The following MYBBP1A variants were observed in gnomAD, a reference collection of about 807,000 sequenced individuals.
The protein encoded by MYBBP1A is MYB binding protein 1a, also known as myb-binding protein 1A.
In MYBBP1A, 147 loss-of-function variants were observed where a neutral mutation model predicts 136.3. That is an observed-to-expected ratio of 1.08 (90% CI 0.94 to 1.24). The LOEUF is 1.24. MYBBP1A is among the 50% of genes most tolerant of loss of function. The pLI, the probability that MYBBP1A is intolerant of heterozygous loss-of-function variation, is 0.00. For synonymous variants in MYBBP1A, 947 were observed against 735.8 expected (o/e 1.29, Z -4.65); for missense variants, 2,060 against 1,727.4 (o/e 1.19, Z -3.41).
rs200828822 is a variant in MYBBP1A at position 4,552,424 on chromosome 17, G to A, written c.737+27C>T. The A allele has an allele frequency of 5.6e-6, 9 of 1,609,384 alleles. No homozygotes were observed. Among genetic ancestry groups the A allele is most frequent in the African/African-American group, 5.3e-5 (4 of 74,938 alleles). On this transcript the variant is annotated intron_variant, in intron 6 of 25. Coordinates refer to ENST00000254718, the MANE Select transcript of MYBBP1A (RefSeq NM_014520.4). This position sits in a 1 kb window ranked among gnomAD's most constrained non-coding sequence, Gnocchi z 4.7. ...AGATGCAGTCCCTTGGCCCCAGGGA[G>A]GGCAAATCCGCCCACCTCCATCACA...
At chr17:4,549,989 G>C in intron 9 of MYBBP1A, 69 bp downstream of exon 9, 2 of 1,519,458 alleles carry the variant, frequency 1.3e-6, no homozygotes, top group Non-Finnish European at 1.8e-6. Context: ...GGCGGGCTTG[G>C]GTCGCGGGGC....
chr17:4,540,536 C>G (rs773699611), intron 24 of MYBBP1A, 52 bp from the exon 25 acceptor site: 15 of 1,520,650 alleles, frequency 9.9e-6, no homozygotes, highest in Admixed American at 3.9e-5. Flanking sequence ...CGGGGCCTCT[C>G]GCGGGCTCCC....
In MYBBP1A at chr17:4,545,647, G is replaced by A. The variant is rs149314499; in HGVS notation, c.2036C>T (p.Ser679Phe). The A allele has an allele frequency of 3.7e-6, 6 of 1,609,126 alleles. No homozygotes were observed. In the African/African-American group the frequency reaches 8.0e-5, roughly 21 times the overall value. ...VARSVFGHICSHLTPRALQLI... is the reference protein window; with the variant it reads ...VARSVFGHICFHLTPRALQLI... ...CTGCAGGGCACGCGGGGTCAGGTGG[G>A]AGCAGATGTGGCCAAACACGCTCCG... The change falls in exon 15 of 26, where the codon TCC (serine) becomes TTC (phenylalanine). Residue 679 changes from serine to phenylalanine, a missense_variant. Ser to Phe is a radical substitution (Grantham distance 155). Coordinates refer to ENST00000254718, the MANE Select transcript of MYBBP1A (RefSeq NM_014520.4).
At chr17:4,550,965 G>A (rs1270972464) in intron 8 of MYBBP1A, among the ~76,000 whole-genome samples, 1 of 152,282 alleles carries the variant, frequency 6.6e-6, no homozygotes, top group Non-Finnish European at 1.5e-5. Flanking sequence ...GAGGCTCCCA[G>A]TGGGATAGTG....
rs1345302479 is a variant in MYBBP1A, at chr17:4,548,994, C to T, written c.1430+338G>A. ...ACATGGGACAGCCCCCTCTTGCAAC[C>T]GTGCATGTTGAGGGTGACGTGAGCA... On this transcript the variant is annotated intron_variant, in intron 10 of 25. Transcript: ENST00000254718. This position sits in a 1 kb window ranked among gnomAD's most constrained non-coding sequence, Gnocchi z 4.2. Among the ~76,000 whole-genome samples, 1 of 152,250 alleles carries T rather than the reference C, an allele frequency of 6.6e-6. No individual in the cohort carries two copies. The highest frequency in any genetic ancestry group is 1.9e-4 in the East Asian group (1 of 5,202).
At chr17:4,543,832 A>T (rs1216148819) in intron 19 of MYBBP1A, among the ~76,000 whole-genome samples, 1 of 151,638 alleles carries the variant, frequency 6.6e-6, no homozygotes, top group Admixed American at 6.6e-5. Flanking sequence ...AGCCCCTCCC[A>T]AACCCTTCTC....
chr17:4,554,709 G>T, intron 2 of MYBBP1A, 152 bp downstream of exon 2: 2 of 679,244 alleles, frequency 2.9e-6, no homozygotes, highest in Non-Finnish European at 5.0e-6. Context: ...TCATGAAGAG[G>T]CCTCCCTCAG....
chr17:4,547,754 G>T lies in MYBBP1A; in HGVS notation c.1824+204C>A, dbSNP rs1289568803. 4 of 493,990 alleles carry T rather than the reference G, an allele frequency of 8.1e-6. No individual in the cohort carries two copies. The East Asian group carries it at 1.3e-4, about 16-fold the overall frequency. 30.6% of individuals were successfully genotyped at this position (493,990 alleles called of 1,614,324 possible). A position where few individuals can be genotyped will look rare whatever the true frequency, so the allele number is the denominator to read the frequency against. On this transcript the variant is annotated intron_variant, in intron 13 of 25. Transcript: ENST00000254718. ...CTGTGGGGATTACGAGATCCTGCATGGAAAGCCTAGGACACCAGCTGGTGC... is the reference window on the plus strand; with the variant it reads ...CTGTGGGGATTACGAGATCCTGCATTGAAAGCCTAGGACACCAGCTGGTGC...
In MYBBP1A at chr17:4,542,933, G is replaced by A. The variant is rs762202483; in HGVS notation, c.2872C>T (p.His958Tyr). The A allele has an allele frequency of 6.2e-6, 10 of 1,613,902 alleles. No individual in the cohort carries two copies. The East Asian group carries it at 8.9e-5, about 14-fold the overall frequency. ...EKQKAGTDPS[H>Y]MPTGPQAASC... is the part of the protein sequence containing the mutation. ...CTCACCTGCGGGCCCGTGGGCATGT[G>A]GCTGGGGTCAGTGCCAGCTTTCTGC... Residue 958 changes from histidine (H) to tyrosine (Y), a missense_variant, in exon 20 of 26, where the codon CAC becomes TAC. Transcript: ENST00000254718.
chr17:4,543,327 G>GC, intron 19 of MYBBP1A, 162 bp from the exon 20 acceptor site: 2 of 957,678 alleles, frequency 2.1e-6, no homozygotes, highest in Non-Finnish European at 3.0e-6. Flanking sequence ...CCTGCAGGCT[G>GC]CCTGGAAGCT....
Position 4,548,743 on chromosome 17 carries a change from G to A in MYBBP1A, c.1431-94C>T. Reference sequence around the variant, plus strand: ...TGGTACCACCGAGGGTACAAGGCCAGGAGGAGGAGGAGCCGCCCTTCTGCC... The same window carrying A: ...TGGTACCACCGAGGGTACAAGGCCAAGAGGAGGAGGAGCCGCCCTTCTGCC... On this transcript the variant is annotated intron_variant, in intron 10 of 25. Coordinates refer to ENST00000254718, the MANE Select transcript of MYBBP1A (RefSeq NM_014520.4). This position sits in a 1 kb window ranked among gnomAD's most constrained non-coding sequence, Gnocchi z 4.2. The A allele has an allele frequency of 6.6e-7, 1 of 1,516,592 alleles. No homozygotes were observed. The highest frequency in any genetic ancestry group is 1.8e-5 in the Admixed American group (1 of 55,324). 93.9% of individuals were successfully genotyped at this position (1,516,592 alleles called of 1,614,324 possible). A position where few individuals can be genotyped will look rare whatever the true frequency, so the allele number is the denominator to read the frequency against.
In MYBBP1A at chr17:4,539,916, C is replaced by G. The variant is rs1437435088; in HGVS notation, c.3486G>C (p.Gln1162His). 12 of 1,599,992 alleles carry G rather than the reference C, an allele frequency of 7.5e-6. No homozygotes were observed. The highest frequency in any genetic ancestry group is 1.3e-5 in the African/African-American group (1 of 75,032). ...TCTTCCGCTTCTTACTGATGGGGCT[C>G]TGGGTGGCACTGGGGATCTCCTTGG... ...KDAKEIPSAT[Q>H]SPISKKRKKK... The change falls in exon 26 of 26, where the codon CAG (glutamine) becomes CAC (histidine). Residue 1162 changes from glutamine to histidine, a missense_variant. By Grantham distance (24) the Gln-to-His change is conservative (BLOSUM62 0). Coordinates refer to ENST00000254718, the MANE Select transcript of MYBBP1A (RefSeq NM_014520.4).
At position 4,548,475 on chromosome 17, in the gene MYBBP1A, C is replaced by T; in HGVS notation, c.1556+49G>A. 6.2e-7 allele frequency: 1 copy of T among 1,612,894 alleles called. No homozygotes were observed. Among genetic ancestry groups the T allele is most frequent in the Non-Finnish European group, 8.5e-7 (1 of 1,179,986 alleles). On this transcript the variant is annotated intron_variant, in intron 11 of 25. Coordinates refer to ENST00000254718, the MANE Select transcript of MYBBP1A (RefSeq NM_014520.4). This position sits in a 1 kb window ranked among gnomAD's most constrained non-coding sequence, Gnocchi z 4.2. ...AGGGGACCTGGAGGGAGCAGGCGCC[C>T]TCAAGGCCTTCCCACCTTCGGACCT...
chr17:4,549,999 C>T, intron 9 of MYBBP1A, 59 bp downstream of exon 9: 4 of 1,539,540 alleles, frequency 2.6e-6, no homozygotes, highest in Non-Finnish European at 3.5e-6. Flanking sequence ...GGTCGCGGGG[C>T]TCTGCAGGCC....
Position 4,548,192 on chromosome 17 carries a change from C to T in MYBBP1A, c.1675G>A (p.Val559Met), listed in dbSNP as rs750166636. The T allele has an allele frequency of 1.7e-5, 27 of 1,607,072 alleles. 1 individual carries two copies. The highest frequency in any genetic ancestry group is 2.2e-5 in the South Asian group (2 of 91,082). The stretch of plus-strand genomic sequence containing the variant: ...GCAGTGAAGGGTGTCACGGTGGTCA[C>T]GTTGTGGCTGTGATTCAACAGGAGG... The part of the protein sequence containing the change: ...ADLLLNHSHN[V>M]TTVTPFTAQQ... The change falls in exon 12 of 26, where the codon GTG (valine) becomes ATG (methionine). Residue 559 changes from valine (V) to methionine (M), a missense_variant. Transcript: ENST00000254718. The surrounding 1 kb of genome is among the most constrained non-coding windows in gnomAD (Gnocchi z 4.2).
In MYBBP1A at chr17:4,543,060, GGGCTGGCGGCCAGCCTGCTGCACCAACC is replaced by G; in HGVS notation, c.2717_2744del (p.Arg906ProfsTer20). 1 of 1,613,340 alleles carries G rather than the reference GGGCTGGCGGCCAGCCTGCTGCACCAACC, an allele frequency of 6.2e-7. No homozygotes were observed. The highest frequency in any genetic ancestry group is 8.5e-7 in the Non-Finnish European group (1 of 1,179,946). On this transcript the variant is annotated frameshift_variant, in exon 20 of 26. Coordinates refer to ENST00000254718, the MANE Select transcript of MYBBP1A (RefSeq NM_014520.4). LOFTEE classifies it high-confidence loss of function. ...AGTGGTAGAGGGCGGTGGGGGAGTC[GGGCTGGCGGCCAGCCTGCTGCACCAACC>G]GCTCCACCTGGGCGTGCAGGGCCCC...
rs376684314 is a variant in MYBBP1A, at chr17:4,553,796, T to C, written c.561+14A>G. On this transcript the variant is annotated intron_variant, in intron 5 of 25. Transcript: ENST00000254718. Reference sequence around the variant, plus strand: ...AAAGTGTTGCCTGGGCCCGCACAGCTGGGGAGCTCATACCTCGGAGAGGAT... The same window carrying C: ...AAAGTGTTGCCTGGGCCCGCACAGCCGGGGAGCTCATACCTCGGAGAGGAT... The C allele has an allele frequency of 1.2e-6, 2 of 1,610,990 alleles. No homozygotes were observed. The highest frequency in any genetic ancestry group is 2.7e-5 in the African/African-American group (2 of 74,844).
In MYBBP1A at chr17:4,539,985, A is replaced by C; in HGVS notation, c.3435-18T>G. The C allele has an allele frequency of 3.8e-6, 6 of 1,589,542 alleles. No individual in the cohort carries two copies. The South Asian group carries it at 5.5e-5, about 15-fold the overall frequency. On this transcript the variant is annotated intron_variant, in intron 25 of 25. Transcript: ENST00000254718. ...TGGGGCGCCTGAAGGGAAGTGAGCA[A>C]GGTTAGAAGGTGCCCATCGAGGGCA...
Position 4,544,603 on chromosome 17 carries a change from T to C in MYBBP1A, c.2525A>G (p.Asn842Ser), listed in dbSNP as rs373011920. 1.6e-5 allele frequency: 25 copies of C among 1,585,394 alleles called. 1 individual carries two copies. Among genetic ancestry groups the C allele is most frequent in the Non-Finnish European group, 1.5e-5 (17 of 1,166,316 alleles). The change falls in exon 19 of 26, where the codon AAT becomes AGT. Residue 842 changes from asparagine to serine, a missense_variant. By Grantham distance (46) the Asn-to-Ser change is conservative. Coordinates refer to ENST00000254718, the MANE Select transcript of MYBBP1A (RefSeq NM_014520.4). The stretch of plus-strand genomic sequence containing the variant: ...CTCCAGCAGCTCCAGGACCAGGGCA[T>C]TCTCGGGCTGCTTGGTCACTAGCAC... ...VEVLVTKQPE[N>S]ALVLELLEPL...
Sources: allele counts gnomAD v4.1 joint callset (sites outside exome capture counted in the v4.1 genomes callset), GRCh38; gene constraint gnomAD v4.1.1; non-coding constraint Gnocchi (gnomAD v3.1); transcripts MANE v1.5; gene names NCBI Gene and HGNC (gene_info 2026-07-23, HGNC 2026-07-21).